The following PDZD2 variants were observed in gnomAD, a reference collection of about 807,000 sequenced individuals.
The protein encoded by PDZD2 is PDZ domain containing 2.
Under a neutral mutation model 220.7 loss-of-function variants are expected in PDZD2, and 90 were observed. That is an observed-to-expected ratio of 0.41 (90% confidence interval 0.34 to 0.49). The LOEUF (loss-of-function observed/expected upper bound fraction) is 0.49, where lower values mean the gene tolerates loss of function less well. Among genes scored for constraint, PDZD2 ranks in the 20% least tolerant of loss-of-function variants. The probability of loss-of-function intolerance (pLI) is 0.28; values close to 1 mark genes in which losing one functional copy is unlikely to be tolerated. For missense variants in PDZD2, 3,174 were observed against 3,608.5 expected (o/e 0.88, Z 3.08); for synonymous variants, 1,375 against 1,450.5 (o/e 0.95, Z 1.18).
intron 7 of PDZD2, among the ~76,000 whole-genome samples, chr5:32,041,173 A>AGGTGGGG (rs1756104688): frequency 7.2e-6 from 1 of 137,978 alleles, no homozygotes; most frequent in African/African-American, 2.8e-5. Flanking sequence ...CCCGTCTGGG[A>AGGTGGGG]AGTGGGGAGC....
At position 31,816,071 on chromosome 5, in the gene PDZD2, G is replaced by A. The variant is rs141826272; in HGVS notation, c.476+16347G>A. Among the ~76,000 whole-genome samples the A allele has an allele frequency of 1.9e-3, 291 of 152,150 alleles. 2 individuals are homozygous for A. Among genetic ancestry groups the A allele is most frequent in the African/African-American group, 6.7e-3 (279 of 41,494 alleles). On this transcript the variant is annotated intron_variant, in intron 2 of 24. Transcript: ENST00000438447. ...TGGGAGGCTGAGGTAGGCAGATCAC[G>A]AGGTCAGGAGATCAAGACCATCCTG...
At chr5:31,863,023 C>T (rs1009739800) in intron 2 of PDZD2, among the ~76,000 whole-genome samples, 1 of 152,148 alleles carries the variant, frequency 6.6e-6, no homozygotes, top group African/African-American at 2.4e-5. Context: ...GGATTACAGG[C>T]GTGAGCCATG....
intron 1 of PDZD2, chr5:31,725,525 A>G: frequency 7.5e-7 from 1 of 1,338,232 alleles, no homozygotes; most frequent in South Asian, 1.5e-5. Flanking sequence ...CATGGTTTAT[A>G]CTACCAGGGG....
chr5:31,982,831 G>T (rs996549529), intron 2 of PDZD2, among the ~76,000 whole-genome samples: 1 of 152,166 alleles, frequency 6.6e-6, no homozygotes, highest in African/African-American at 2.4e-5. Flanking sequence ...GAGTGAAGAA[G>T]AATTTTATTT....
intron 2 of PDZD2, among the ~76,000 whole-genome samples, chr5:31,982,710 A>G (rs1247063361): frequency 6.6e-6 from 1 of 152,158 alleles, no homozygotes; most frequent in Non-Finnish European, 1.5e-5. Context: ...GCAGAACTTT[A>G]TACTTCCCCT....
At chr5:31,824,575 C>T (rs962364711) in intron 2 of PDZD2, among the ~76,000 whole-genome samples, 3 of 152,104 alleles carry the variant, frequency 2.0e-5, no homozygotes, top group South Asian at 4.2e-4. Context: ...ATCAGCCTGC[C>T]TTGATCCTTT....
intron 2 of PDZD2, among the ~76,000 whole-genome samples, chr5:31,846,786 C>T (rs1056505451): frequency 6.6e-6 from 1 of 152,088 alleles, no homozygotes; most frequent in East Asian, 1.9e-4. Flanking sequence ...TGGATGTGGT[C>T]GGGGATCTTC....
At chr5:31,654,292 C>T (rs888529532) in intron 1 of PDZD2, among the ~76,000 whole-genome samples, 6 of 152,154 alleles carry the variant, frequency 3.9e-5, no homozygotes, top group African/African-American at 9.7e-5. Context: ...TACCTTGGCT[C>T]TCTGGATACC....
At chr5:31,871,537 C>T (rs752058546) in intron 2 of PDZD2, among the ~76,000 whole-genome samples, 1 of 151,330 alleles carries the variant, frequency 6.6e-6, no homozygotes, top group Non-Finnish European at 1.5e-5. Context: ...GTGCAACGTC[C>T]GCCTCCTGGG....
chr5:31,971,399 G>T (rs1403227770), intron 2 of PDZD2, among the ~76,000 whole-genome samples: 1 of 152,134 alleles, frequency 6.6e-6, no homozygotes, highest in African/African-American at 2.4e-5. Context: ...CATTCACGAG[G>T]CCTCTGGCCC....
At chr5:31,784,667 G>A (rs1341907121) in intron 1 of PDZD2, among the ~76,000 whole-genome samples, 1 of 151,360 alleles carries the variant, frequency 6.6e-6, no homozygotes, top group South Asian at 2.1e-4. Context: ...CCAGCACTTT[G>A]GGAGACCAAG....
chr5:31,670,778 T>C (rs961855844), intron 1 of PDZD2, among the ~76,000 whole-genome samples: 3 of 152,148 alleles, frequency 2.0e-5, no homozygotes, highest in African/African-American at 7.2e-5. Context: ...GGAAGTTTGC[T>C]TGGGTACAGA....
intron 2 of PDZD2, among the ~76,000 whole-genome samples, chr5:31,877,845 G>A (rs537884121): frequency 1.1e-4 from 16 of 152,010 alleles, no homozygotes; most frequent in Admixed American, 7.2e-4. Flanking sequence ...GCACACCATC[G>A]CACCTGGCTA....
intron 2 of PDZD2, among the ~76,000 whole-genome samples, chr5:31,827,580 C>A (rs1372304473): frequency 1.3e-5 from 2 of 151,864 alleles, no homozygotes; most frequent in Non-Finnish European, 2.9e-5. Flanking sequence ...GTAATCTCAG[C>A]TACTCAGGAG....
rs552562216 is a variant in PDZD2, at chr5:31,850,082, A to G, written c.476+50358A>G. On this transcript the variant is annotated intron_variant, in intron 2 of 24. Coordinates refer to ENST00000438447, the MANE Select transcript of PDZD2 (RefSeq NM_178140.4). ...TATATAAGTATATATATGTGTATATATAAGTATATATACGTGTATATATAA... is the reference window on the plus strand; with the variant it reads ...TATATAAGTATATATATGTGTATATGTAAGTATATATACGTGTATATATAA... Among the ~76,000 whole-genome samples, 357 of 138,306 alleles carry G rather than the reference A, an allele frequency of 2.6e-3. 22 individuals carry two copies. Among genetic ancestry groups the G allele is most frequent in the African/African-American group, 9.4e-3 (347 of 36,758 alleles). 90.7% of individuals were successfully genotyped at this position (138,306 alleles called of 152,430 possible). A position where few individuals can be genotyped will look rare whatever the true frequency, so the allele number is the denominator to read the frequency against.
Position 32,110,763 on chromosome 5 carries a change from CCTTT to C in PDZD2, c.*2629_*2632del, listed in dbSNP as rs895566781. The C allele has an allele frequency of 6.6e-6, 1 of 152,486 alleles. No homozygotes were observed. The highest frequency in any genetic ancestry group is 1.5e-5 in the Non-Finnish European group (1 of 68,030). 9.4% of individuals were successfully genotyped at this position (152,486 alleles called of 1,614,324 possible). On this transcript the variant is annotated 3_prime_UTR_variant, in exon 25 of 25. Transcript: ENST00000438447. ...AACTTTGTATGATATTATACATTAA[CCTTT>C]ATTTATGTAAAGTAAAATGCCTTAT...
chr5:31,904,206 T>C (rs887806272), intron 2 of PDZD2, among the ~76,000 whole-genome samples: 1 of 152,174 alleles, frequency 6.6e-6, no homozygotes, highest in Non-Finnish European at 1.5e-5. Flanking sequence ...TAATAAGAAC[T>C]TACTACATCT....
intron 1 of PDZD2, among the ~76,000 whole-genome samples, chr5:31,701,609 C>G (rs1747613414): frequency 6.6e-6 from 1 of 152,182 alleles, no homozygotes; most frequent in South Asian, 2.1e-4. Flanking sequence ...ATTTAGAAAA[C>G]CCACTGCCTG....
chr5:32,088,990 C>T lies in PDZD2; in HGVS notation c.5542C>T (p.Pro1848Ser), dbSNP rs374257866. 9.9e-6 allele frequency: 16 copies of T among 1,613,842 alleles called. No homozygotes were observed. Among genetic ancestry groups the T allele is most frequent in the Non-Finnish European group, 1.4e-5 (16 of 1,180,004 alleles). ...AAGCCAAAAAAAGGGCGTTACTGTGCCTCATAGCCCTCCTCAGCCGAAAAC... is the reference window on the plus strand; with the variant it reads ...AAGCCAAAAAAAGGGCGTTACTGTGTCTCATAGCCCTCCTCAGCCGAAAAC... Reference protein sequence around the residue: ...SSSQKKGVTVPHSPPQPKTNL... With the variant: ...SSSQKKGVTVSHSPPQPKTNL... The change falls in exon 20 of 25, where the codon CCT becomes TCT. Residue 1848 changes from proline (P) to serine (S), a missense_variant. Pro to Ser is a moderately conservative substitution (Grantham distance 74). This residue lies in a region of PDZD2 where 1,861 missense variants were observed against 2,001.0 expected (regional missense o/e 0.93). Coordinates refer to ENST00000438447, the MANE Select transcript of PDZD2 (RefSeq NM_178140.4). The surrounding 1 kb of genome is among the most constrained non-coding windows in gnomAD (Gnocchi z 4.6).
Sources: allele counts gnomAD v4.1 joint callset (sites outside exome capture counted in the v4.1 genomes callset), GRCh38; gene constraint gnomAD v4.1.1; regional missense constraint gnomAD v4.1.1; non-coding constraint Gnocchi (gnomAD v3.1); transcripts MANE v1.5; gene names NCBI Gene and HGNC (gene_info 2026-07-23, HGNC 2026-07-21).